FAM120A: variants seen among roughly 807,000 people sequenced by gnomAD.
FAM120A encodes the protein constitutive coactivator of PPAR-gamma-like protein 1.
FAM120A carries 15 observed loss-of-function variants against 109.7 expected under a neutral mutation model. The ratio of observed to expected loss-of-function variants is 0.14; its 90% CI spans 0.09 to 0.21. FAM120A has a LOEUF of 0.21. Among genes scored for constraint, FAM120A ranks in the 10% least tolerant of loss-of-function variants. FAM120A has a pLI of 1.00. For missense variants in FAM120A, 899 were observed against 1,439.3 expected, an observed-to-expected ratio of 0.62 and a Z score of 6.07; for synonymous variants, 493 against 572.8, an observed-to-expected ratio of 0.86 and a Z score of 1.99.
intron 2 of FAM120A, among the ~76,000 whole-genome samples, chr9:93,473,603 C>A (rs59326991): frequency 6.6e-6 from 1 of 152,054 alleles, no homozygotes; most frequent in African/African-American, 2.4e-5. Context: ...TGAGCCATTG[C>A]GCCTGGCCAC....
chr9:93,463,340 A>C (rs1293450026), intron 1 of FAM120A, among the ~76,000 whole-genome samples: 1 of 152,136 alleles, frequency 6.6e-6, no homozygotes, highest in Non-Finnish European at 1.5e-5. Context: ...CTTGTTTTTA[A>C]GATCACTGTA....
At chr9:93,453,147 C>T in intron 1 of FAM120A, 1 of 1,002,004 alleles carries the variant, frequency 1.0e-6, no homozygotes, top group Non-Finnish European at 1.2e-6. Context: ...CGAAAGGAGT[C>T]GCTCAAAATC....
chr9:93,564,167 C>T (rs1430417039), intron 17 of FAM120A, 62 bp from the exon 18 acceptor site: 3 of 1,523,726 alleles, frequency 2.0e-6, no homozygotes, highest in African/African-American at 1.4e-5. Flanking sequence ...CCAAAATTGG[C>T]ATCCTCTCTC....
intron 1 of FAM120A, among the ~76,000 whole-genome samples, chr9:93,457,467 C>T (rs1005601144): frequency 6.6e-6 from 1 of 151,862 alleles, no homozygotes; most frequent in African/African-American, 2.4e-5. Context: ...GAAATCTTTC[C>T]ATGTCTATAC....
intron 7 of FAM120A, among the ~76,000 whole-genome samples, chr9:93,523,084 A>G (rs1430215917): frequency 2.6e-5 from 4 of 152,212 alleles, no homozygotes; most frequent in Admixed American, 6.5e-5. Flanking sequence ...AAAAAGCTCA[A>G]TGAATGGTAG....
intron 3 of FAM120A, among the ~76,000 whole-genome samples, chr9:93,485,335 C>T (rs957275084): frequency 6.6e-6 from 1 of 152,048 alleles, no homozygotes; most frequent in Non-Finnish European, 1.5e-5. Flanking sequence ...GTGGCTCATG[C>T]TTGTAATCCT....
chr9:93,466,001 C>T (rs1229729118), intron 1 of FAM120A, among the ~76,000 whole-genome samples: 6 of 152,240 alleles, frequency 3.9e-5, no homozygotes, highest in Admixed American at 6.5e-5. Flanking sequence ...AGGTGCAGGG[C>T]GCTTCTCAGC....
chr9:93,484,195 A>G (rs756875870), intron 3 of FAM120A, among the ~76,000 whole-genome samples: 2 of 152,120 alleles, frequency 1.3e-5, no homozygotes, highest in Non-Finnish European at 2.9e-5. Context: ...AGCTGGGACT[A>G]CAGGTGTGCG....
intron 1 of FAM120A, among the ~76,000 whole-genome samples, chr9:93,463,056 G>A (rs887024576): frequency 6.6e-6 from 1 of 152,154 alleles, no homozygotes; most frequent in Non-Finnish European, 1.5e-5. Context: ...GTATCTTAGG[G>A]TAGTTCTGCG....
intron 3 of FAM120A, among the ~76,000 whole-genome samples, chr9:93,494,127 C>A (rs1859464198): frequency 1.3e-5 from 2 of 152,150 alleles, no homozygotes; most frequent in South Asian, 4.1e-4. Context: ...TCAGGCAGAG[C>A]AGGAAGCTTC....
At chr9:93,541,574 T>C (rs189911077) in intron 10 of FAM120A, among the ~76,000 whole-genome samples, 19 of 152,362 alleles carry the variant, frequency 1.2e-4, no homozygotes, top group Admixed American at 5.9e-4. Context: ...CTGTTTTGAC[T>C]TGATGGACTT....
At chr9:93,548,991 C>G (rs979393748) in intron 11 of FAM120A, among the ~76,000 whole-genome samples, 2 of 151,884 alleles carry the variant, frequency 1.3e-5, no homozygotes, top group Non-Finnish European at 2.9e-5. Context: ...TGCAGTGAGC[C>G]GAGATCATGC....
At chr9:93,458,894 T>G (rs993814365) in intron 1 of FAM120A, among the ~76,000 whole-genome samples, 6 of 152,206 alleles carry the variant, frequency 3.9e-5, no homozygotes, top group Non-Finnish European at 7.3e-5. Flanking sequence ...TTCAGACTTG[T>G]AGACCTTCCT....
chr9:93,533,361 A>G (rs937878864), intron 10 of FAM120A, among the ~76,000 whole-genome samples: 8 of 152,230 alleles, frequency 5.3e-5, no homozygotes, highest in African/African-American at 1.9e-4. Flanking sequence ...AAAGTGAAGC[A>G]GTTCTCACTA....
At chr9:93,522,793 A>G (rs994521688) in intron 7 of FAM120A, among the ~76,000 whole-genome samples, 4 of 152,202 alleles carry the variant, frequency 2.6e-5, no homozygotes, top group African/African-American at 9.6e-5. Context: ...CATCTTTTGC[A>G]TAAGTCTTGT....
chr9:93,453,882 A>G (rs1857421310), intron 1 of FAM120A, among the ~76,000 whole-genome samples: 1 of 152,226 alleles, frequency 6.6e-6, no homozygotes, highest in Non-Finnish European at 1.5e-5. Flanking sequence ...TACTTAAAAG[A>G]CAGGATGAGC....
intron 8 of FAM120A, among the ~76,000 whole-genome samples, chr9:93,527,614 ATTTTTT>A (rs67894788): frequency 2.0e-4 from 16 of 80,700 alleles, no homozygotes; most frequent in South Asian, 1.2e-3. Flanking sequence ...TTTGTATTTA[ATTTTTT>A]TTTTTTTTTT....
intron 9 of FAM120A, among the ~76,000 whole-genome samples, chr9:93,531,712 G>T (rs1430122481): frequency 6.6e-6 from 1 of 152,196 alleles, no homozygotes; most frequent in Non-Finnish European, 1.5e-5. Flanking sequence ...AAGAAAATTT[G>T]ACCATTATAT....
intron 12 of FAM120A, among the ~76,000 whole-genome samples, chr9:93,556,037 G>A (rs1286519013): frequency 6.6e-6 from 1 of 152,212 alleles, no homozygotes; most frequent in Non-Finnish European, 1.5e-5. Flanking sequence ...CGAAGAGATT[G>A]TGGAGCCCTG....
Sources: gnomAD v4.1 joint callset for allele counts (sites outside exome capture counted in the v4.1 genomes callset) on GRCh38, gnomAD v4.1.1 for gene constraint, MANE v1.5 for transcripts, NCBI Gene and HGNC (gene_info 2026-07-23, HGNC 2026-07-21) for gene names.